GLO1: variants seen among roughly 807,000 people sequenced by gnomAD.
GLO1 encodes the protein glyoxalase I.
GLO1 carries 28 observed loss-of-function variants against 26.0 expected under a neutral mutation model. That is an observed-to-expected ratio of 1.08 (90% confidence interval 0.80 to 1.48). GLO1 has a LOEUF of 1.48. Among genes scored for constraint, GLO1 ranks in the 40% most tolerant of loss-of-function variants. The probability of loss-of-function intolerance (pLI) is 0.00; values close to 1 mark genes in which losing one functional copy is unlikely to be tolerated. For synonymous variants in GLO1, 78 were observed against 77.6 expected, an observed-to-expected ratio of 1.00 and a Z score of -0.03; for missense variants, 225 against 224.8, an observed-to-expected ratio of 1.00 and a Z score of -0.01.
At chr6:38,692,654 T>C (rs1761548163) in intron 1 of GLO1, among the ~76,000 whole-genome samples, 1 of 152,098 alleles carries the variant, frequency 6.6e-6, no homozygotes, top group South Asian at 2.1e-4. Flanking sequence ...AGTGTAATAT[T>C]AGCTCTAACT....
intron 2 of GLO1, among the ~76,000 whole-genome samples, chr6:38,685,114 A>T (rs185728527): frequency 2.0e-5 from 3 of 152,322 alleles, no homozygotes; most frequent in African/African-American, 7.2e-5. Context: ...GAAAGGTCCC[A>T]TGAGAGCAAT....
chr6:38,683,000 C>T lies in GLO1; in HGVS notation c.309-125G>A, dbSNP rs1335198779. 8 of 613,248 alleles carry T rather than the reference C, an allele frequency of 1.3e-5. No homozygotes were observed. In the East Asian group the frequency reaches 2.2e-4, roughly 17 times the overall value. 38.0% of individuals were successfully genotyped at this position (613,248 alleles called of 1,614,324 possible). On this transcript the variant is annotated intron_variant, in intron 3 of 5. Transcript: ENST00000373365. ...TACATAATTGGCCTAACCCCTGCTACAAAAATATTAAGTTTTCAACTATAG... is the reference window on the plus strand; with the variant it reads ...TACATAATTGGCCTAACCCCTGCTATAAAAATATTAAGTTTTCAACTATAG...
intron 1 of GLO1, chr6:38,687,198 T>TA: frequency 6.4e-6 from 4 of 622,830 alleles, no homozygotes; most frequent in Non-Finnish European, 8.0e-6. Flanking sequence ...CAATGGTCGA[T>TA]AAAAAACCTG....
chr6:38,695,492 C>T (rs1193675231), intron 1 of GLO1, among the ~76,000 whole-genome samples: 3 of 152,088 alleles, frequency 2.0e-5, no homozygotes, highest in Non-Finnish European at 4.4e-5. Flanking sequence ...CCTTCTCCCG[C>T]TTATAATTAT....
At chr6:38,688,203 A>C (rs556188795) in intron 1 of GLO1, among the ~76,000 whole-genome samples, 1 of 152,282 alleles carries the variant, frequency 6.6e-6, no homozygotes, top group East Asian at 1.9e-4. Flanking sequence ...GCTTATAATC[A>C]CATGCCAGGC....
At chr6:38,685,868 A>G (rs1304237122) in intron 2 of GLO1, among the ~76,000 whole-genome samples, 1 of 152,162 alleles carries the variant, frequency 6.6e-6, no homozygotes, top group Non-Finnish European at 1.5e-5. Flanking sequence ...CCATCAGACA[A>G]TGGATACAGG....
chr6:38,699,418 T>G (rs2127549161), intron 1 of GLO1, among the ~76,000 whole-genome samples: 1 of 152,112 alleles, frequency 6.6e-6, no homozygotes, highest in East Asian at 1.9e-4. Context: ...CGGCGCACCT[T>G]GAAAAACAAC....
chr6:38,702,918 C>T, intron 1 of GLO1, 53 bp downstream of exon 1: 1 of 1,041,406 alleles, frequency 9.6e-7, no homozygotes, highest in Non-Finnish European at 1.5e-6. Context: ...GAATGCGGCC[C>T]GGTCCCGGCC....
At chr6:38,679,824 A>C (rs1582773127) in intron 5 of GLO1, among the ~76,000 whole-genome samples, 1 of 152,108 alleles carries the variant, frequency 6.6e-6, no homozygotes, top group African/African-American at 2.4e-5. Flanking sequence ...AACAATATGA[A>C]ATATTACCAA....
At chr6:38,699,993 T>C (rs1761674131) in intron 1 of GLO1, among the ~76,000 whole-genome samples, 1 of 152,182 alleles carries the variant, frequency 6.6e-6, no homozygotes, top group Non-Finnish European at 1.5e-5. Context: ...GTGATCTTTG[T>C]ACCTACTCCC....
intron 1 of GLO1, among the ~76,000 whole-genome samples, chr6:38,690,710 TAA>T (rs1364502203): frequency 6.7e-6 from 1 of 149,032 alleles, no homozygotes; most frequent in African/African-American, 2.5e-5. Flanking sequence ...AAATTCACTT[TAA>T]AAAGTCTATA....
In GLO1 at chr6:38,684,442, G is replaced by A; in HGVS notation, c.240C>T (p.Asp80=). ...TTTTTTCATCTTTTTCTTTAGGGAT[G>A]TCATTTTTATCCTCATAAGCCAAGA... ...LYFLAYEDKN[D]IPKEKDEKIA... Residue 80 remains aspartate (D), a synonymous_variant, in exon 3 of 6, where the codon GAC becomes GAT. Transcript: ENST00000373365. The A allele has an allele frequency of 6.3e-7, 1 of 1,576,330 alleles. No individual in the cohort carries two copies.
intron 4 of GLO1, 59 bp downstream of exon 4, chr6:38,682,749 T>C: frequency 1.2e-6 from 1 of 864,432 alleles, no homozygotes; most frequent in South Asian, 1.4e-5. Flanking sequence ...ATCATAATTA[T>C]ATACATAATA....
chr6:38,682,494 G>A (rs1369939186), intron 4 of GLO1, among the ~76,000 whole-genome samples: 2 of 152,094 alleles, frequency 1.3e-5, no homozygotes, highest in Non-Finnish European at 2.9e-5. Flanking sequence ...GATCAAGGCA[G>A]AAGTGTATGT....
In GLO1 at chr6:38,682,717, TTAA is replaced by T. The variant is rs1414787835; in HGVS notation, c.376+88_376+90del. On this transcript the variant is annotated intron_variant, in intron 4 of 5. Coordinates refer to ENST00000373365, the MANE Select transcript of GLO1 (RefSeq NM_006708.3). ...AAATTGATCATACTTAATTAGGACA[TTAA>T]TGTTTTAGGTTTATTAAAATCATAA... 6.7e-5 allele frequency: 45 copies of T among 668,252 alleles called. No individual in the cohort carries two copies. In the East Asian group the frequency reaches 1.3e-3, roughly 19 times the overall value. 41.4% of individuals were successfully genotyped at this position (668,252 alleles called of 1,614,324 possible).
At chr6:38,677,977 G>A (rs1761289194) in intron 5 of GLO1, among the ~76,000 whole-genome samples, 1 of 152,100 alleles carries the variant, frequency 6.6e-6, no homozygotes, top group Non-Finnish European at 1.5e-5. Flanking sequence ...TACAGAAATT[G>A]TCTTATTTTA....
chr6:38,697,536 T>C (rs1761630277), intron 1 of GLO1, among the ~76,000 whole-genome samples: 1 of 152,220 alleles, frequency 6.6e-6, no homozygotes, highest in African/African-American at 2.4e-5. Context: ...TAAGAGTCAC[T>C]ACAATCAGGG....
At chr6:38,677,418 A>G (rs1341366716) in intron 5 of GLO1, 35 bp from the exon 6 acceptor site, 4 of 910,762 alleles carry the variant, frequency 4.4e-6, no homozygotes, top group Admixed American at 3.7e-5. Flanking sequence ...TGAAAAGACT[A>G]AAAAAGAAAA....
chr6:38,684,605 T>TA (rs1276381646), intron 2 of GLO1, 91 bp from the exon 3 acceptor site: 1 of 809,566 alleles, frequency 1.2e-6, no homozygotes, highest in Admixed American at 3.3e-5. Flanking sequence ...CAAGTTTTAC[T>TA]AAAAAGAAGA....
Sources: gnomAD v4.1 joint callset for allele counts (sites outside exome capture counted in the v4.1 genomes callset) on GRCh38, gnomAD v4.1.1 for gene constraint, MANE v1.5 for transcripts, NCBI Gene and HGNC (gene_info 2026-07-23, HGNC 2026-07-21) for gene names.